HECW1: variants seen among roughly 807,000 people sequenced by gnomAD.
The protein encoded by HECW1 is HECT, C2 and WW domain containing E3 ubiquitin protein ligase 1, also known as E3 ubiquitin-protein ligase HECW1.
In HECW1, 61 loss-of-function variants were observed where a neutral mutation model predicts 182.3. The ratio of observed to expected loss-of-function variants is 0.33; its 90% CI spans 0.27 to 0.41. The LOEUF (loss-of-function observed/expected upper bound fraction) is 0.41. HECW1 is among the 10% of genes least tolerant of loss of function. The pLI, the probability that HECW1 is intolerant of heterozygous loss-of-function variation, is 1.00. For missense variants in HECW1, 1,739 were observed against 2,108.9 expected, an observed-to-expected ratio of 0.82 and a Z score of 3.44; for synonymous variants, 859 against 832.6, an observed-to-expected ratio of 1.03 and a Z score of -0.55.
At chr7:43,199,982 A>G (rs1419819677) in intron 2 of HECW1, among the ~76,000 whole-genome samples, 1 of 152,260 alleles carries the variant, frequency 6.6e-6, no homozygotes, top group Non-Finnish European at 1.5e-5. Flanking sequence ...GAATAAGTAC[A>G]TAGGAATGGA....
chr7:43,492,190 A>T lies in HECW1; in HGVS notation c.3340+10A>T. 1.3e-6 allele frequency: 2 copies of T among 1,569,932 alleles called. No homozygotes were observed. The highest frequency in any genetic ancestry group is 1.7e-6 in the Non-Finnish European group (2 of 1,157,830). On this transcript the variant is annotated intron_variant, in intron 18 of 29. Coordinates refer to ENST00000395891, the MANE Select transcript of HECW1 (RefSeq NM_015052.5). ...GAGTCATTGCCACTGGGTATGTATC[A>T]TGCTTGTTTGAGCCCCTGGCTCAAA...
At chr7:43,512,720 CTG>C (rs1440863870) in intron 24 of HECW1, among the ~76,000 whole-genome samples, 6 of 152,162 alleles carry the variant, frequency 3.9e-5, no homozygotes, top group African/African-American at 1.2e-4. Context: ...GGAGGAATAA[CTG>C]AGAAACCAAA....
At chr7:43,212,370 A>G (rs112368615) in intron 2 of HECW1, among the ~76,000 whole-genome samples, 7 of 152,336 alleles carry the variant, frequency 4.6e-5, no homozygotes, top group African/African-American at 1.7e-4. Context: ...ATTATTACTA[A>G]ACAAAATTAT....
chr7:43,324,626 T>C (rs993463376), intron 5 of HECW1, among the ~76,000 whole-genome samples: 11 of 152,168 alleles, frequency 7.2e-5, no homozygotes, highest in Non-Finnish European at 1.5e-4. Flanking sequence ...GCTTCTATTA[T>C]GAACTAAAAA....
At chr7:43,229,145 G>C (rs1797674510) in intron 2 of HECW1, among the ~76,000 whole-genome samples, 1 of 152,198 alleles carries the variant, frequency 6.6e-6, no homozygotes. Context: ...TGGTAAATTA[G>C]ATACGTTTCC....
chr7:43,389,447 G>A (rs2074931314), intron 6 of HECW1, among the ~76,000 whole-genome samples: 1 of 152,196 alleles, frequency 6.6e-6, no homozygotes, highest in Admixed American at 6.5e-5. Context: ...TTAGGACTCA[G>A]TACAATGTAT....
Position 43,501,211 on chromosome 7 carries a change from A to G in HECW1, c.3522-2A>G. ...TTTTTTTTTTTTTTTTTTCATATGC[A>G]GTCTCTTTGAAGAAGAGATTATGTC... is the stretch of plus-strand genomic sequence containing the variant. On this transcript the variant is annotated splice_acceptor_variant, in intron 20 of 29. Coordinates refer to ENST00000395891, the MANE Select transcript of HECW1 (RefSeq NM_015052.5). LOFTEE classifies it high-confidence loss of function. The G allele has an allele frequency of 9.6e-7, 1 of 1,040,196 alleles. No homozygotes were observed. Among genetic ancestry groups the G allele is most frequent in the Non-Finnish European group, 1.4e-6 (1 of 710,184 alleles). The allele number at this position is 1,040,196 out of a possible 1,614,324, so 64.4% of individuals were successfully genotyped here.
intron 2 of HECW1, among the ~76,000 whole-genome samples, chr7:43,130,883 A>T (rs1177390883): frequency 2.6e-5 from 4 of 152,086 alleles, no homozygotes; most frequent in Non-Finnish European, 5.9e-5. Flanking sequence ...AACTGGGTAT[A>T]CAATAATCTA....
In HECW1 at chr7:43,447,285, A is replaced by G. The variant is rs17172209; in HGVS notation, c.2398+1715A>G. 8.5e-4 allele frequency among the ~76,000 whole-genome samples: 130 copies of G among 152,332 alleles called. 1 individual carries two copies. In the East Asian group the frequency reaches 0.024, roughly 28 times the overall value. ...TTGGGAGATAATCTACACATGGTCA[A>G]TTGAAACTTGGCTCAATGTAAATTT... On this transcript the variant is annotated intron_variant, in intron 11 of 29. Coordinates refer to ENST00000395891, the MANE Select transcript of HECW1 (RefSeq NM_015052.5).
intron 26 of HECW1, among the ~76,000 whole-genome samples, chr7:43,545,636 G>A (rs2081529882): frequency 1.3e-5 from 2 of 152,136 alleles, no homozygotes; most frequent in Non-Finnish European, 2.9e-5. Flanking sequence ...TAGGTTATAG[G>A]TATTATAAAC....
At chr7:43,281,615 C>T (rs1165168801) in intron 3 of HECW1, among the ~76,000 whole-genome samples, 1 of 152,020 alleles carries the variant, frequency 6.6e-6, no homozygotes, top group Non-Finnish European at 1.5e-5. Context: ...CCCTCAAATG[C>T]ACTGCAGCTA....
Position 43,445,269 on chromosome 7 carries a change from C to G in HECW1, c.2097C>G (p.Ser699Arg). 2 of 1,612,886 alleles carry G rather than the reference C, an allele frequency of 1.2e-6. No individual in the cohort carries two copies. The highest frequency in any genetic ancestry group is 8.5e-7 in the Non-Finnish European group (1 of 1,179,212). Residue 699 changes from serine (S) to arginine (R), a missense_variant, in exon 11 of 30, where the codon AGC becomes AGG. Physicochemically the swap from Ser to Arg is moderately radical, Grantham distance 110. Coordinates refer to ENST00000395891, the MANE Select transcript of HECW1 (RefSeq NM_015052.5). Reference protein sequence around the residue: ...STSCYSSSCYSASCYSPSCYN... With the variant: ...STSCYSSSCYRASCYSPSCYN... ...CCTGCTACAGCAGCTCGTGCTACAG[C>G]GCCTCGTGCTACAGCCCCTCCTGCT...
intron 2 of HECW1, among the ~76,000 whole-genome samples, chr7:43,146,584 C>G (rs1419438264): frequency 1.3e-5 from 2 of 152,162 alleles, no homozygotes; most frequent in African/African-American, 4.8e-5. Context: ...ATAAGTTGCC[C>G]AAGCATTACT....
At chr7:43,434,088 C>T (rs1163583148) in intron 8 of HECW1, among the ~76,000 whole-genome samples, 2 of 152,068 alleles carry the variant, frequency 1.3e-5, no homozygotes, top group African/African-American at 4.8e-5. Context: ...ACAAATTTAT[C>T]TTTTAACCAA....
At chr7:43,249,310 G>A (rs1799787663) in intron 3 of HECW1, 2 of 152,492 alleles carry the variant, frequency 1.3e-5, no homozygotes, top group South Asian at 4.1e-4. Flanking sequence ...GCCTGACGCA[G>A]CACCCCTGAA....
intron 24 of HECW1, among the ~76,000 whole-genome samples, chr7:43,527,662 T>C (rs1486300929): frequency 6.6e-6 from 1 of 152,210 alleles, no homozygotes; most frequent in Non-Finnish European, 1.5e-5. Flanking sequence ...GCATATCTTG[T>C]GGGAGCCAAT....
chr7:43,323,423 A>G (rs1006370596), intron 5 of HECW1, among the ~76,000 whole-genome samples: 2 of 152,050 alleles, frequency 1.3e-5, no homozygotes, highest in African/African-American at 4.8e-5. Flanking sequence ...GAAAAACCCC[A>G]TCTCTGCAGA....
chr7:43,308,635 T>A (rs1038888242), intron 3 of HECW1, among the ~76,000 whole-genome samples: 1 of 151,758 alleles, frequency 6.6e-6, no homozygotes, highest in Admixed American at 6.6e-5. Context: ...TAATTTTTTT[T>A]TTTTTTTGAG....
intron 18 of HECW1, 127 bp from the exon 19 acceptor site, chr7:43,492,957 G>A (rs189553323): frequency 2.9e-4 from 162 of 554,760 alleles, no homozygotes; most frequent in African/African-American, 5.1e-4. Context: ...GCATTTTTTT[G>A]ATGAGTATGC....
Sources: gnomAD v4.1 joint callset for allele counts (sites outside exome capture counted in the v4.1 genomes callset) on GRCh38, gnomAD v4.1.1 for gene constraint, MANE v1.5 for transcripts, NCBI Gene and HGNC (gene_info 2026-07-23, HGNC 2026-07-21) for gene names.